Variants in RNF6 observed in about 807,000 individuals in gnomAD.
RNF6 encodes ring finger protein 6.
A neutral mutation model predicts 50.1 loss-of-function variants in RNF6; 21 were observed. That is an observed-to-expected ratio of 0.42 (90% confidence interval 0.30 to 0.60). The LOEUF (loss-of-function observed/expected upper bound fraction) is 0.60. Ranked by LOEUF, RNF6 falls within the 20% of genes least tolerant of loss-of-function variation. The probability of loss-of-function intolerance (pLI) is 0.20; values close to 1 mark genes in which losing one functional copy is unlikely to be tolerated. For missense variants in RNF6, 698 were observed against 838.2 expected (o/e 0.83, Z 2.07); for synonymous variants, 255 against 291.8 (o/e 0.87, Z 1.29).
intron 5 of RNF6, among the ~76,000 whole-genome samples, chr13:26,157,718 C>T (rs1268892154): frequency 6.6e-6 from 1 of 152,114 alleles, no homozygotes; most frequent in Non-Finnish European, 1.5e-5. Context: ...TCAGTGAGGA[C>T]ATGAAGAAAT....
intron 5 of RNF6, among the ~76,000 whole-genome samples, chr13:26,191,454 G>A (rs1233512562): frequency 1.3e-5 from 2 of 152,084 alleles, no homozygotes; most frequent in Non-Finnish European, 2.9e-5. Flanking sequence ...TTGGCTCTAT[G>A]TCCCCAAATC....
intron 5 of RNF6, among the ~76,000 whole-genome samples, chr13:26,134,016 G>A (rs947114247): frequency 6.6e-6 from 1 of 152,220 alleles, no homozygotes; most frequent in Non-Finnish European, 1.5e-5. Flanking sequence ...CAGGGGAAAG[G>A]AGGTATTGCG....
At chr13:26,156,188 G>A (rs538209248) in intron 5 of RNF6, among the ~76,000 whole-genome samples, 43 of 152,190 alleles carry the variant, frequency 2.8e-4, no homozygotes, top group African/African-American at 9.4e-4. Context: ...ATTAGAAAGA[G>A]AAAGAAATAA....
downstream of RNF6, among the ~76,000 whole-genome samples, chr13:26,211,476 G>C (rs1014561355): frequency 2.6e-5 from 4 of 152,026 alleles, no homozygotes; most frequent in Non-Finnish European, 5.9e-5. Flanking sequence ...AGAAATAAAC[G>C]GGCCAGGCAT....
intron 5 of RNF6, among the ~76,000 whole-genome samples, chr13:26,197,919 C>T (rs1160657453): frequency 1.3e-5 from 2 of 151,438 alleles, no homozygotes; most frequent in African/African-American, 2.4e-5. Context: ...AGGAAGCCCC[C>T]GTAACATCTT....
intron 4 of RNF6, among the ~76,000 whole-genome samples, chr13:26,217,277 G>C (rs866281222): frequency 1.3e-5 from 2 of 152,214 alleles, no homozygotes; most frequent in African/African-American, 4.8e-5. Context: ...GAAAAAGAAT[G>C]AGTAAAAGGC....
At chr13:26,194,001 A>C (rs1158376809) in intron 5 of RNF6, among the ~76,000 whole-genome samples, 1 of 152,238 alleles carries the variant, frequency 6.6e-6, no homozygotes, top group Non-Finnish European at 1.5e-5. Context: ...ATGGAATTTT[A>C]AATAATAAGA....
chr13:26,206,987 C>T (rs1021824642), intron 5 of RNF6, among the ~76,000 whole-genome samples: 3 of 151,944 alleles, frequency 2.0e-5, no homozygotes, highest in South Asian at 2.1e-4. Context: ...GGATTATATT[C>T]TCTCTTGGTA....
intron 5 of RNF6, among the ~76,000 whole-genome samples, chr13:26,190,397 C>T (rs9512145): frequency 0.49 from 75,017 of 152,086 alleles, 21,843 homozygotes; most frequent in East Asian, 0.7. Context: ...GTGGGGGCAT[C>T]GTTTTTCTAC....
At chr13:26,221,546 A>G (rs1593205137) in intron 1 of RNF6, 1 of 152,214 alleles carries the variant, frequency 6.6e-6, no homozygotes, top group East Asian at 1.9e-4. Flanking sequence ...TTCGTCCTAC[A>G]CTGTCACTGT....
intron 5 of RNF6, among the ~76,000 whole-genome samples, chr13:26,159,480 C>T (rs1437576967): frequency 6.6e-6 from 1 of 151,942 alleles, no homozygotes; most frequent in Non-Finnish European, 1.5e-5. Flanking sequence ...AAAAAATTAA[C>T]CGGGCATGGT....
intron 5 of RNF6, among the ~76,000 whole-genome samples, chr13:26,153,180 A>T (rs1348602346): frequency 6.7e-6 from 1 of 150,276 alleles, no homozygotes; most frequent in African/African-American, 2.5e-5. Context: ...AGAAAAGACT[A>T]AAGATGTAAG....
intron 5 of RNF6, among the ~76,000 whole-genome samples, chr13:26,147,325 G>A (rs535185900): frequency 1.3e-5 from 2 of 152,218 alleles, no homozygotes; most frequent in Non-Finnish European, 2.9e-5. Context: ...AGGTGATGGG[G>A]AAGATTCATG....
At chr13:26,178,182 C>A (rs969674619) in intron 5 of RNF6, among the ~76,000 whole-genome samples, 1 of 152,218 alleles carries the variant, frequency 6.6e-6, no homozygotes, top group South Asian at 2.1e-4. Flanking sequence ...GAGAGAGACT[C>A]CACCTCAAAA....
At chr13:26,171,061 A>G (rs1161594861) in intron 5 of RNF6, among the ~76,000 whole-genome samples, 1 of 152,212 alleles carries the variant, frequency 6.6e-6, no homozygotes, top group Non-Finnish European at 1.5e-5. Context: ...GATACACAGG[A>G]CTTCATCAAA....
intron 5 of RNF6, among the ~76,000 whole-genome samples, chr13:26,187,763 GC>G: frequency 6.6e-6 from 1 of 152,246 alleles, no homozygotes; most frequent in Middle Eastern, 3.4e-3. Flanking sequence ...TCTATCTGTT[GC>G]CCAGGATGGA....
At chr13:26,202,690 C>T (rs933641507) in intron 5 of RNF6, among the ~76,000 whole-genome samples, 1 of 152,180 alleles carries the variant, frequency 6.6e-6, no homozygotes, top group African/African-American at 2.4e-5. Context: ...AGAACAGACT[C>T]TTCAGAAAAG....
chr13:26,212,498 T>C (rs1869370954), downstream of RNF6, among the ~76,000 whole-genome samples: 1 of 152,138 alleles, frequency 6.6e-6, no homozygotes, highest in Non-Finnish European at 1.5e-5. Context: ...GAATCTGGCC[T>C]AAGTACTGTT....
intron 5 of RNF6, among the ~76,000 whole-genome samples, chr13:26,161,796 C>T (rs1872225994): frequency 6.6e-6 from 1 of 152,144 alleles, no homozygotes; most frequent in African/African-American, 2.4e-5. Flanking sequence ...AGGTTCACCT[C>T]AACGCACTCT....
Sources: allele counts gnomAD v4.1 joint callset (sites outside exome capture counted in the v4.1 genomes callset), GRCh38; gene constraint gnomAD v4.1.1; transcripts MANE v1.5; gene names NCBI Gene and HGNC (gene_info 2026-07-23, HGNC 2026-07-21).